Variants in SP140 observed in about 807,000 individuals in gnomAD.
SP140 encodes the protein nuclear body protein SP140.
SP140 carries 81 observed loss-of-function variants against 125.0 expected under a neutral mutation model. The observed-to-expected ratio is 0.65, with a 90% confidence interval of 0.54 to 0.78. The LOEUF (loss-of-function observed/expected upper bound fraction) is 0.78. SP140 is among the 30% of genes least tolerant of loss of function. SP140 has a pLI of 0.00. For missense variants in SP140, 858 were observed against 1,037.0 expected, an observed-to-expected ratio of 0.83 and a Z score of 2.37; for synonymous variants, 312 against 354.0, an observed-to-expected ratio of 0.88 and a Z score of 1.33.
At chr2:230,196,885 T>C in the SP140 span, among the ~76,000 whole-genome samples, 1 of 152,366 alleles carries the variant, frequency 6.6e-6, no homozygotes, top group Non-Finnish European at 1.5e-5. Context: ...TCATTTTTTA[T>C]GGCTGCATAG....
intron 22 of SP140, among the ~76,000 whole-genome samples, chr2:230,307,730 G>A (rs2058896358): frequency 6.6e-6 from 1 of 152,038 alleles, no homozygotes; most frequent in Non-Finnish European, 1.5e-5. Context: ...CCCATGGCAG[G>A]CCCTTGGTAG....
Position 230,312,854 on chromosome 2 carries a change from A to T in SP140, c.*170A>T, listed in dbSNP as rs2059431748. 1 of 543,702 alleles carries T rather than the reference A, an allele frequency of 1.8e-6. No individual in the cohort carries two copies. Among genetic ancestry groups the T allele is most frequent in the Non-Finnish European group, 3.3e-6 (1 of 301,818 alleles). The allele number at this position is 543,702 out of a possible 1,614,324, so 33.7% of individuals were successfully genotyped here. On this transcript the variant is annotated 3_prime_UTR_variant, in exon 27 of 27. Transcript: ENST00000392045. ...CAAATCCTCAAAAGGAAATTCAATC[A>T]TCATGAATCACAACCCCAAGTATCT...
chr2:230,314,685 GACTCTGC>G (rs2059470952), downstream of SP140, among the ~76,000 whole-genome samples: 1 of 152,246 alleles, frequency 6.6e-6, no homozygotes, highest in Non-Finnish European at 1.5e-5. Context: ...GTGCTAGAAT[GACTCTGC>G]ACTCTACAAC....
At chr2:230,314,352 GC>G (rs2149654128), downstream of SP140, among the ~76,000 whole-genome samples, 1 of 152,346 alleles carries the variant, frequency 6.6e-6, no homozygotes, top group South Asian at 2.1e-4. Context: ...AGTGAAGAGA[GC>G]GTTTATCCTC....
chr2:230,314,070 A>G (rs1575408389), downstream of SP140, among the ~76,000 whole-genome samples: 1 of 152,190 alleles, frequency 6.6e-6, no homozygotes, highest in East Asian at 1.9e-4. Context: ...ACAAAGAGTC[A>G]AACTTCAGAG....
intron 3 of SP140, among the ~76,000 whole-genome samples, chr2:230,240,557 AAAGTGT>A (rs2048582207): frequency 6.7e-6 from 1 of 150,362 alleles, no homozygotes; most frequent in South Asian, 2.2e-4. Flanking sequence ...GCAAGAATAT[AAAGTGT>A]ATGACATTAT....
At chr2:230,241,158 G>A (rs2048671669) in intron 3 of SP140, among the ~76,000 whole-genome samples, 1 of 152,150 alleles carries the variant, frequency 6.6e-6, no homozygotes, top group Non-Finnish European at 1.5e-5. Flanking sequence ...CCAGAACAGT[G>A]GTGTCTTAAG....
chr2:230,289,732 C>G (rs2056899781), intron 18 of SP140, among the ~76,000 whole-genome samples: 1 of 152,194 alleles, frequency 6.6e-6, no homozygotes, highest in Non-Finnish European at 1.5e-5. Context: ...GCCTTGCCCT[C>G]CCAAAGTGCT....
intron 15 of SP140, among the ~76,000 whole-genome samples, chr2:230,271,692 G>A (rs766220275): frequency 2.0e-5 from 3 of 151,860 alleles, no homozygotes; most frequent in Non-Finnish European, 2.9e-5. Flanking sequence ...GAGGGAAGAG[G>A]TATATTGAAG....
chr2:230,275,175 G>A (rs936094823), intron 15 of SP140, among the ~76,000 whole-genome samples: 10 of 152,078 alleles, frequency 6.6e-5, no homozygotes, highest in African/African-American at 2.2e-4. Context: ...GACTACGTGT[G>A]TTGTCATATT....
At chr2:230,213,759 A>G (rs995906258) in exon 2 of SP140, 3 of 152,744 alleles carry the variant, frequency 2.0e-5, no homozygotes, top group Admixed American at 6.5e-5. Context: ...AGATGACTGA[A>G]GCTCAGCCAG....
At chr2:230,258,309 G>A (rs2051594495) in intron 12 of SP140, among the ~76,000 whole-genome samples, 1 of 152,176 alleles carries the variant, frequency 6.6e-6, no homozygotes, top group South Asian at 2.1e-4. Context: ...TAGATTGAGA[G>A]TGTTATCCTT....
chr2:230,242,873 G>C (rs1421414383), intron 4 of SP140, among the ~76,000 whole-genome samples: 1 of 152,028 alleles, frequency 6.6e-6, no homozygotes, highest in Non-Finnish European at 1.5e-5. Flanking sequence ...ATGATTCTCA[G>C]GGCAACATCC....
intron 22 of SP140, among the ~76,000 whole-genome samples, chr2:230,305,056 C>A (rs904856097): frequency 1.3e-5 from 2 of 152,000 alleles, no homozygotes; most frequent in Non-Finnish European, 1.5e-5. Context: ...AAGCAATCAG[C>A]AAGAAAAAAT....
intron 1 of SP140, among the ~76,000 whole-genome samples, chr2:230,226,762 C>CAAAAA (rs11323886): frequency 7.4e-5 from 7 of 94,256 alleles, no homozygotes; most frequent in Non-Finnish European, 8.5e-5. Flanking sequence ...AATTCCATCT[C>CAAAAA]AAAAAAAAAA....
At chr2:230,203,104 C>T (rs2043346965), upstream of SP140, 1 of 308,920 alleles carries the variant, frequency 3.2e-6, no homozygotes, top group Non-Finnish European at 6.2e-6. Context: ...GGTTCCCCCA[C>T]GGCCTGTGTG....
At chr2:230,198,242 A>ATGGGCTCTTACAT (rs2042969995), upstream of SP140, among the ~76,000 whole-genome samples, 3 of 152,024 alleles carry the variant, frequency 2.0e-5, no homozygotes, top group Non-Finnish European at 2.9e-5. Flanking sequence ...GAATGTGGAG[A>ATGGGCTCTTACAT]GCTGCAATGG....
intron 15 of SP140, among the ~76,000 whole-genome samples, chr2:230,281,558 T>G (rs908123018): frequency 2.0e-5 from 3 of 152,198 alleles, no homozygotes; most frequent in Non-Finnish European, 2.9e-5. Context: ...TTACGCCCTT[T>G]CTGGTGTATC....
chr2:230,213,076 A>G (rs2148927518), intron 1 of SP140: 1 of 1,596,072 alleles, frequency 6.3e-7, no homozygotes, highest in African/African-American at 1.3e-5. Context: ...ACTCAGAATT[A>G]CTTGGGGAAG....
Sources: allele counts gnomAD v4.1 joint callset (sites outside exome capture counted in the v4.1 genomes callset), GRCh38; gene constraint gnomAD v4.1.1; transcripts MANE v1.5; gene names NCBI Gene and HGNC (gene_info 2026-07-23, HGNC 2026-07-21).